RBPMS: variants seen among roughly 807,000 people sequenced by gnomAD.
The protein encoded by RBPMS is RNA binding protein, mRNA processing factor, also known as RNA-binding protein with multiple splicing.
Under a neutral mutation model 26.8 loss-of-function variants are expected in RBPMS, and 7 were observed. The ratio of observed to expected loss-of-function variants is 0.26; its 90% confidence interval spans 0.15 to 0.49. The LOEUF (loss-of-function observed/expected upper bound fraction) is 0.49. Among genes scored for constraint, RBPMS ranks in the 20% least tolerant of loss-of-function variants. RBPMS has a pLI of 0.98. For synonymous variants in RBPMS, 96 were observed against 93.3 expected (o/e 1.03, Z -0.17); for missense variants, 186 against 250.0 (o/e 0.74, Z 1.73).
At chr8:30,410,979 A>G (rs571794462) in intron 1 of RBPMS, among the ~76,000 whole-genome samples, 1 of 152,090 alleles carries the variant, frequency 6.6e-6, no homozygotes, top group Non-Finnish European at 1.5e-5. Context: ...GGCTCTAGTG[A>G]TCATCTGCCT....
chr8:30,385,339 C>T, intron 1 of RBPMS, 181 bp downstream of exon 1: 1 of 429,168 alleles, frequency 2.3e-6, no homozygotes, highest in Non-Finnish European at 4.1e-6. Context: ...TGTGTCCACG[C>T]GCGTCTGCGG....
chr8:30,476,703 C>T (rs995519391), intron 2 of RBPMS, among the ~76,000 whole-genome samples: 3 of 152,148 alleles, frequency 2.0e-5, no homozygotes, highest in African/African-American at 7.2e-5. Flanking sequence ...TCTGTCTCTG[C>T]GCTGATGTGT....
chr8:30,416,531 G>A (rs1160401176), intron 1 of RBPMS, among the ~76,000 whole-genome samples: 2 of 152,110 alleles, frequency 1.3e-5, no homozygotes, highest in African/African-American at 4.8e-5. Flanking sequence ...TGCCCAGGCT[G>A]GAGTGCAGTG....
intron 4 of RBPMS, among the ~76,000 whole-genome samples, chr8:30,485,698 C>T (rs190427121): frequency 1.3e-5 from 2 of 152,256 alleles, no homozygotes; most frequent in African/African-American, 2.4e-5. Context: ...TGAACTCCCC[C>T]CAAAGAAAAT....
At chr8:30,496,999 A>G (rs910770263) in intron 4 of RBPMS, among the ~76,000 whole-genome samples, 1 of 152,238 alleles carries the variant, frequency 6.6e-6, no homozygotes, top group Non-Finnish European at 1.5e-5. Context: ...ACAATACTCA[A>G]AAAACTAAAT....
intron 1 of RBPMS, among the ~76,000 whole-genome samples, chr8:30,392,169 C>G (rs182178560): frequency 6.6e-6 from 1 of 152,078 alleles, no homozygotes; most frequent in East Asian, 1.9e-4. Context: ...TTGAGCACAG[C>G]CAAACCTGCA....
At chr8:30,522,380 T>C (rs1823149467) in intron 5 of RBPMS, among the ~76,000 whole-genome samples, 1 of 151,854 alleles carries the variant, frequency 6.6e-6, no homozygotes, top group African/African-American at 2.4e-5. Context: ...GAGGGGATCA[T>C]GCCAGTGATC....
chr8:30,514,688 T>TTTTTTTTTTC (rs1822112758), intron 5 of RBPMS, among the ~76,000 whole-genome samples: 1 of 76,938 alleles, frequency 1.3e-5, no homozygotes, highest in Non-Finnish European at 2.9e-5. Flanking sequence ...GGCTTTTTTT[T>TTTTTTTTTTC]TTTTTTTTTT....
intron 1 of RBPMS, among the ~76,000 whole-genome samples, chr8:30,430,703 A>G (rs933733505): frequency 7.2e-5 from 11 of 152,216 alleles, no homozygotes; most frequent in African/African-American, 2.7e-4. Context: ...AGTTACACAT[A>G]TAGCTTTGAG....
At chr8:30,566,737 G>A (rs932478389) in intron 8 of RBPMS, among the ~76,000 whole-genome samples, 1 of 152,110 alleles carries the variant, frequency 6.6e-6, no homozygotes, top group Non-Finnish European at 1.5e-5. Flanking sequence ...TTATTATTTT[G>A]TTGGAAATCT....
At chr8:30,457,493 A>G (rs1034430957) in intron 1 of RBPMS, among the ~76,000 whole-genome samples, 3 of 152,106 alleles carry the variant, frequency 2.0e-5, no homozygotes, top group Non-Finnish European at 4.4e-5. Flanking sequence ...TGTTTCTTTA[A>G]TAGCAATTGA....
At chr8:30,553,368 G>A (rs1747373878) in intron 6 of RBPMS, 1 of 152,194 alleles carries the variant, frequency 6.6e-6, no homozygotes, top group Admixed American at 6.5e-5. Context: ...AGCGCTGTAA[G>A]GAAGACAATC....
chr8:30,511,486 A>AATATATATATAT (rs869100800), intron 5 of RBPMS, among the ~76,000 whole-genome samples: 8 of 23,532 alleles, frequency 3.4e-4, no homozygotes, highest in African/African-American at 1.3e-3. Context: ...AAAAAAAAAA[A>AATATATATATAT]ATATATATAT....
rs910413915 is a variant in RBPMS at position 30,457,007 on chromosome 8, C to T, written c.67-17772C>T. On this transcript the variant is annotated intron_variant, in intron 1 of 8. Transcript: ENST00000397323. ...GATGTTGGTCGTATCTTTATTTGGTCGTACTAAAACACAGACTCTCTGGCA... is the reference window on the plus strand; with the variant it reads ...GATGTTGGTCGTATCTTTATTTGGTTGTACTAAAACACAGACTCTCTGGCA... 5.3e-5 allele frequency among the ~76,000 whole-genome samples: 8 copies of T among 152,300 alleles called. No homozygotes were observed. In the South Asian group the frequency reaches 6.2e-4, roughly 12 times the overall value.
At chr8:30,500,310 A>AC (rs1360779219) in intron 4 of RBPMS, among the ~76,000 whole-genome samples, 4 of 147,710 alleles carry the variant, frequency 2.7e-5, no homozygotes, top group African/African-American at 1.0e-4. Flanking sequence ...AGTCTCCTCT[A>AC]CCCCCATACT....
chr8:30,427,853 G>A (rs1455561993), intron 1 of RBPMS, among the ~76,000 whole-genome samples: 2 of 151,950 alleles, frequency 1.3e-5, no homozygotes, highest in Non-Finnish European at 2.9e-5. Flanking sequence ...GGGTGGGGGA[G>A]AATCTGAGTA....
intron 8 of RBPMS, among the ~76,000 whole-genome samples, chr8:30,569,707 A>G (rs915531426): frequency 5.9e-5 from 9 of 152,184 alleles, no homozygotes; most frequent in African/African-American, 2.2e-4. Context: ...TAAGATGGTG[A>G]TGGTGGAGTG....
In RBPMS at chr8:30,566,287, G is replaced by C; in HGVS notation, c.*38G>C. 4 of 986,032 alleles carry C rather than the reference G, an allele frequency of 4.1e-6. No individual in the cohort carries two copies. Among genetic ancestry groups the C allele is most frequent in the African/African-American group, 1.7e-5 (1 of 57,360 alleles). 61.1% of individuals were successfully genotyped at this position (986,032 alleles called of 1,614,324 possible). A position where few individuals can be genotyped will look rare whatever the true frequency, so the allele number is the denominator to read the frequency against. On this transcript the variant is annotated 3_prime_UTR_variant, in exon 8 of 9. Transcript: ENST00000397323. Reference sequence around the variant, plus strand: ...AGGTGTGTGATGGCGGCTGCAATCTGTCTTGTGGGTATTAATGCAATCTTC... The same window carrying C: ...AGGTGTGTGATGGCGGCTGCAATCTCTCTTGTGGGTATTAATGCAATCTTC...
At chr8:30,440,794 C>CT (rs34107190) in intron 1 of RBPMS, among the ~76,000 whole-genome samples, 18,469 of 143,526 alleles carry the variant, frequency 0.13, 2,646 homozygotes, top group African/African-American at 0.36. Flanking sequence ...ATTTTTTTAA[C>CT]TTTTTTTTTT....
Sources: allele counts gnomAD v4.1 joint callset (sites outside exome capture counted in the v4.1 genomes callset), GRCh38; gene constraint gnomAD v4.1.1; transcripts MANE v1.5; gene names NCBI Gene and HGNC (gene_info 2026-07-23, HGNC 2026-07-21).